The following FECH variants were observed in gnomAD, a reference collection of about 807,000 sequenced individuals.
FECH encodes ferrochelatase, mitochondrial.
In FECH, 40 loss-of-function variants were observed where a neutral mutation model predicts 56.9. That is an observed-to-expected ratio of 0.70 (90% CI 0.55 to 0.92). The LOEUF is 0.92. Ranked by LOEUF, FECH falls within the 40% of genes least tolerant of loss-of-function variation. The pLI, the probability that FECH is intolerant of heterozygous loss-of-function variation, is 0.00. For missense variants in FECH, 431 were observed against 529.1 expected, an observed-to-expected ratio of 0.81 and a Z score of 1.82; for synonymous variants, 175 against 198.6, an observed-to-expected ratio of 0.88 and a Z score of 1.00.
chr18:57,564,168 G>A (rs758433937), intron 5 of FECH, among the ~76,000 whole-genome samples: 16 of 152,184 alleles, frequency 1.1e-4, no homozygotes, highest in Admixed American at 4.6e-4. Flanking sequence ...GTGAGCCACC[G>A]CGCCCAGCAT....
At chr18:57,584,260 G>A (rs1252748347) in intron 1 of FECH, among the ~76,000 whole-genome samples, 4 of 148,388 alleles carry the variant, frequency 2.7e-5, no homozygotes, top group African/African-American at 7.4e-5. Context: ...GGAAGACTGA[G>A]GCAGGAGGCT....
rs57237983 is a variant in FECH, at chr18:57,557,113, G to C, written c.804+2032C>G. On this transcript the variant is annotated intron_variant, in intron 7 of 10. Transcript: ENST00000262093. Reference sequence around the variant, plus strand: ...AGCCTGGAGTGCAGTTAATAGTATTGTACCAGCGCTGGTTTCTCAGCGTTG... The same window carrying C: ...AGCCTGGAGTGCAGTTAATAGTATTCTACCAGCGCTGGTTTCTCAGCGTTG... Among the ~76,000 whole-genome samples, 1,058 of 152,130 alleles carry C rather than the reference G, an allele frequency of 7.0e-3. 8 individuals carry two copies. The highest frequency in any genetic ancestry group is 0.023 in the African/African-American group (951 of 41,494).
intron 1 of FECH, 71 bp downstream of exon 1, chr18:57,586,482 GC>G: frequency 6.8e-7 from 1 of 1,466,334 alleles, no homozygotes; most frequent in South Asian, 1.2e-5. Context: ...GGGCCCGGGC[GC>G]CAGCTGCCCG....
intron 9 of FECH, among the ~76,000 whole-genome samples, chr18:57,553,838 C>A (rs2050831751): frequency 6.6e-6 from 1 of 152,158 alleles, no homozygotes; most frequent in Non-Finnish European, 1.5e-5. Flanking sequence ...TGACACTCAA[C>A]AAGAAGCCAT....
chr18:57,574,470 C>T (rs1474404567), intron 2 of FECH, among the ~76,000 whole-genome samples: 2 of 152,236 alleles, frequency 1.3e-5, no homozygotes, highest in Non-Finnish European at 2.9e-5. Flanking sequence ...GAATCAACCC[C>T]TGAATAAGCA....
intron 10 of FECH, 180 bp from the exon 11 acceptor site, chr18:57,551,026 A>C (rs1314500925): frequency 1.4e-6 from 1 of 738,464 alleles, no homozygotes; most frequent in East Asian, 2.7e-5. Context: ...CAGCTTACAG[A>C]AAGTTAAAAC....
Position 57,549,971 on chromosome 18 carries a change from G to A in FECH, c.*741C>T, listed in dbSNP as rs556391725. 3 of 152,360 alleles carry A rather than the reference G, an allele frequency of 2.0e-5. No individual in the cohort carries two copies. In the South Asian group the frequency reaches 6.2e-4, roughly 32 times the overall value. The allele number at this position is 152,360 out of a possible 1,614,324, so 9.4% of individuals were successfully genotyped here. On this transcript the variant is annotated 3_prime_UTR_variant, in exon 11 of 11. Transcript: ENST00000262093. ...GCACTGTCCCTGGAGACCAGAAGCA[G>A]TGGGAGCCCCTTCCCTGTGGCACCA...
At chr18:57,553,369 A>C (rs1462104653) in intron 9 of FECH, among the ~76,000 whole-genome samples, 1 of 152,086 alleles carries the variant, frequency 6.6e-6, no homozygotes, top group Non-Finnish European at 1.5e-5. Context: ...GTGTTGGCTC[A>C]AGTTCTGCCC....
Position 57,547,471 on chromosome 18 carries a change from TTATAA to T in FECH, c.*3236_*3240del, listed in dbSNP as rs1247903579. 6.6e-6 allele frequency among the ~76,000 whole-genome samples: 1 copy of T among 152,124 alleles called. No homozygotes were observed. Among genetic ancestry groups the T allele is most frequent in the Non-Finnish European group, 1.5e-5 (1 of 68,018 alleles). On this transcript the variant is annotated 3_prime_UTR_variant, in exon 11 of 11. Coordinates refer to ENST00000262093, the MANE Select transcript of FECH (RefSeq NM_000140.5). ...CCAGTTCTCACGAGATCTGATGGTT[TTATAA>T]GGGGGCTCTTCCCCTTTGCTTGCTC...
rs1337860894 is a variant in FECH at position 57,562,868 on chromosome 18, G to T, written c.705+6C>A. 6.2e-7 allele frequency: 1 copy of T among 1,612,686 alleles called. No homozygotes were observed. Among genetic ancestry groups the T allele is most frequent in the Admixed American group, 1.7e-5 (1 of 59,992 alleles). On this transcript the variant is annotated splice_donor_region_variant and intron_variant, in intron 6 of 10. Coordinates refer to ENST00000262093, the MANE Select transcript of FECH (RefSeq NM_000140.5). ...GGTGACAGGCAGCTGGCAAGCACTGGCTTACCTGGATGAGGAGGTGATGTG... is the reference window on the plus strand; with the variant it reads ...GGTGACAGGCAGCTGGCAAGCACTGTCTTACCTGGATGAGGAGGTGATGTG...
At chr18:57,562,720 A>G (rs184440197) in intron 6 of FECH, among the ~76,000 whole-genome samples, 154 bp downstream of exon 6, 1 of 152,362 alleles carries the variant, frequency 6.6e-6, no homozygotes, top group East Asian at 1.9e-4. Context: ...TTTTCATAAT[A>G]AATCAAGAAT....
chr18:57,552,294 G>A (rs1177374289), intron 9 of FECH, among the ~76,000 whole-genome samples: 1 of 152,014 alleles, frequency 6.6e-6, no homozygotes, highest in Non-Finnish European at 1.5e-5. Context: ...ACTGAAAATG[G>A]TCTAATTATG....
chr18:57,553,987 C>T (rs1204336603), intron 9 of FECH, among the ~76,000 whole-genome samples: 3 of 152,144 alleles, frequency 2.0e-5, no homozygotes, highest in Non-Finnish European at 2.9e-5. Flanking sequence ...TTTCGAGTAG[C>T]CCAGTAACTC....
At chr18:57,565,723 G>T (rs2051007543) in intron 5 of FECH, among the ~76,000 whole-genome samples, 1 of 152,108 alleles carries the variant, frequency 6.6e-6, no homozygotes, top group African/African-American at 2.4e-5. Flanking sequence ...TATGGTTATA[G>T]AAGTGATAAA....
At chr18:57,572,956 AAATAT>A (rs1422613611) in intron 3 of FECH, 1 of 413,192 alleles carries the variant, frequency 2.4e-6, no homozygotes, top group Non-Finnish European at 4.4e-6. Flanking sequence ...TGACAAGTAC[AAATAT>A]ATCTTTAAAA....
chr18:57,586,544 A>T lies in FECH; in HGVS notation c.67+10T>A, dbSNP rs2122386813. The T allele has an allele frequency of 5.3e-6, 8 of 1,520,752 alleles. No individual in the cohort carries two copies. The highest frequency in any genetic ancestry group is 7.0e-6 in the Non-Finnish European group (8 of 1,140,732). The allele number at this position is 1,520,752 out of a possible 1,614,324, so 94.2% of individuals were successfully genotyped here. On this transcript the variant is annotated intron_variant, in intron 1 of 10. Coordinates refer to ENST00000262093, the MANE Select transcript of FECH (RefSeq NM_000140.5). Reference sequence around the variant, plus strand: ...CTGGCCCTGGCGGCCGCCGCGACAGACCCACTTACGCGGATCGCGGAGCAG... The same window carrying T: ...CTGGCCCTGGCGGCCGCCGCGACAGTCCCACTTACGCGGATCGCGGAGCAG...
At position 57,580,151 on chromosome 18, in the gene FECH, C is replaced by T; in HGVS notation, c.116G>A (p.Gly39Asp). 2 of 1,614,204 alleles carry T rather than the reference C, an allele frequency of 1.2e-6. No individual in the cohort carries two copies. The highest frequency in any genetic ancestry group is 1.7e-6 in the Non-Finnish European group (2 of 1,180,046). The change falls in exon 2 of 11, where the codon GGT becomes GAT. Residue 39 changes from glycine (G) to aspartate (D), a missense_variant. Transcript: ENST00000262093. ...TGTGGTGACGGCCGCTGCAGCTGCACCTGACTTCCACCTCCATGGCTGACA... is the reference window on the plus strand; with the variant it reads ...TGTGGTGACGGCCGCTGCAGCTGCATCTGACTTCCACCTCCATGGCTGACA... ...RVCQPWRWKSGAAAAAVTTET... is the reference protein window; with the variant it reads ...RVCQPWRWKSDAAAAAVTTET...
Position 57,547,281 on chromosome 18 carries a change from A to C in FECH, c.*3431T>G, listed in dbSNP as rs1347917860. 6.6e-6 allele frequency among the ~76,000 whole-genome samples: 1 copy of C among 152,170 alleles called. No homozygotes were observed. Among genetic ancestry groups the C allele is most frequent in the Non-Finnish European group, 1.5e-5 (1 of 68,028 alleles). On this transcript the variant is annotated 3_prime_UTR_variant, in exon 11 of 11. Transcript: ENST00000262093. The stretch of plus-strand genomic sequence containing the variant: ...ATTGGTTTTGAAATGTAAAAAGGAC[A>C]TGTGATTTGGGAGGGGCCAGGGTGG...
chr18:57,564,768 T>C (rs190662080), intron 5 of FECH, among the ~76,000 whole-genome samples: 52 of 152,350 alleles, frequency 3.4e-4, no homozygotes, highest in African/African-American at 1.2e-3. Context: ...CACAGGTGGA[T>C]ATCATTTTCA....
Sources: allele counts gnomAD v4.1 joint callset (sites outside exome capture counted in the v4.1 genomes callset), GRCh38; gene constraint gnomAD v4.1.1; transcripts MANE v1.5; gene names NCBI Gene and HGNC (gene_info 2026-07-23, HGNC 2026-07-21).